SRGAP1: variants seen among roughly 807,000 people sequenced by gnomAD.
SRGAP1 encodes the protein SLIT-ROBO Rho GTPase-activating protein 1.
SRGAP1 carries 43 observed loss-of-function variants against 121.9 expected under a neutral mutation model. The observed-to-expected ratio is 0.35, with a 90% CI of 0.28 to 0.46. SRGAP1 has a LOEUF of 0.46. Among genes scored for constraint, SRGAP1 ranks in the 20% least tolerant of loss-of-function variants. The probability of loss-of-function intolerance (pLI) is 1.00; values close to 1 mark genes in which losing one functional copy is unlikely to be tolerated. For synonymous variants in SRGAP1, 447 were observed against 485.4 expected (o/e 0.92, Z 1.04); for missense variants, 1,102 against 1,350.9 (o/e 0.82, Z 2.89).
At chr12:63,986,593 T>C (rs1034385334) in intron 2 of SRGAP1, among the ~76,000 whole-genome samples, 30 of 152,290 alleles carry the variant, frequency 2.0e-4, no homozygotes, top group African/African-American at 7.0e-4. Flanking sequence ...TGGCTAATTT[T>C]TGTATTTTTA....
intron 1 of SRGAP1, among the ~76,000 whole-genome samples, chr12:63,969,022 C>T (rs1009827076): frequency 2.6e-5 from 4 of 152,148 alleles, no homozygotes; most frequent in Admixed American, 6.5e-5. Flanking sequence ...GGAAAAAAAT[C>T]GTACTGTGGG....
intron 1 of SRGAP1, among the ~76,000 whole-genome samples, chr12:63,917,440 A>G (rs2030836296): frequency 6.6e-6 from 1 of 152,128 alleles, no homozygotes; most frequent in Non-Finnish European, 1.5e-5. Context: ...CAGTTCACTG[A>G]AAAGTTCATT....
chr12:63,975,689 A>G lies in SRGAP1; in HGVS notation c.68-8258A>G, dbSNP rs144213013. On this transcript the variant is annotated intron_variant, in intron 1 of 21. Coordinates refer to ENST00000355086, the MANE Select transcript of SRGAP1 (RefSeq NM_020762.4). ...CTTGCAAGTACTCAGTGACACTTGC[A>G]GCTACATACTGGGCAGCACAGTGCT... Among the ~76,000 whole-genome samples the G allele has an allele frequency of 5.2e-3, 799 of 152,280 alleles. 5 individuals are homozygous for G. The highest frequency in any genetic ancestry group is 0.018 in the African/African-American group (732 of 41,552).
rs537093796 is a variant in SRGAP1, at chr12:64,142,797, A to G, written c.*125A>G. ...TAACTGGAGATCTTTTGGCTTTTCT[A>G]TGTTGTCGAATGTAATGTCTGAGAC... On this transcript the variant is annotated 3_prime_UTR_variant, in exon 22 of 22. Coordinates refer to ENST00000355086, the MANE Select transcript of SRGAP1 (RefSeq NM_020762.4). 111 of 1,290,466 alleles carry G rather than the reference A, an allele frequency of 8.6e-5. No individual in the cohort carries two copies. In the Admixed American group the frequency reaches 1.5e-3, roughly 18 times the overall value. 79.9% of individuals were successfully genotyped at this position (1,290,466 alleles called of 1,614,324 possible).
At chr12:63,920,209 A>G (rs1174317956) in intron 1 of SRGAP1, among the ~76,000 whole-genome samples, 1 of 152,214 alleles carries the variant, frequency 6.6e-6, no homozygotes, top group African/African-American at 2.4e-5. Context: ...TGGGTATAAC[A>G]TTGCATTGTG....
intron 1 of SRGAP1, among the ~76,000 whole-genome samples, chr12:63,950,762 A>G (rs1264322912): frequency 1.3e-5 from 2 of 152,136 alleles, no homozygotes; most frequent in African/African-American, 2.4e-5. Context: ...ATGGAGCAGA[A>G]ACATTTGAGA....
Position 63,844,954 on chromosome 12 carries a change from C to A in SRGAP1, c.67+71C>A. The A allele has an allele frequency of 6.8e-7, 1 of 1,465,360 alleles. No individual in the cohort carries two copies. The highest frequency in any genetic ancestry group is 9.6e-7 in the Non-Finnish European group (1 of 1,044,808). 90.8% of individuals were successfully genotyped at this position (1,465,360 alleles called of 1,614,324 possible). On this transcript the variant is annotated intron_variant, in intron 1 of 21. Transcript: ENST00000355086. The surrounding 1 kb of genome is among the most constrained non-coding windows in gnomAD (Gnocchi z 4.3). ...TCATTGTGCTCGTGGAGTTGCGTAT[C>A]TAACTTGGTGTCTGCGTGGGAGGAA...
chr12:63,955,798 G>A (rs1184117568), intron 1 of SRGAP1, among the ~76,000 whole-genome samples: 1 of 151,670 alleles, frequency 6.6e-6, no homozygotes, highest in Non-Finnish European at 1.5e-5. Context: ...TTTGAGTTTG[G>A]GATAGGAAAA....
chr12:63,885,648 A>G (rs372872772), intron 1 of SRGAP1, among the ~76,000 whole-genome samples: 27 of 152,346 alleles, frequency 1.8e-4, no homozygotes, highest in African/African-American at 6.5e-4. Context: ...AGACCCTCTC[A>G]GGAATGAGAG....
rs1352298210 is a variant in SRGAP1, at chr12:64,117,818, C to A, written c.2224+1925C>A. 2.0e-5 allele frequency among the ~76,000 whole-genome samples: 3 copies of A among 152,172 alleles called. No individual in the cohort carries two copies. The East Asian group carries it at 5.8e-4, about 29-fold the overall frequency. Reference sequence around the variant, plus strand: ...ACCCTTTGATTCTATGAATTGGATTCTTTTAGATACCTCATATAAGTGAAC... The same window carrying A: ...ACCCTTTGATTCTATGAATTGGATTATTTTAGATACCTCATATAAGTGAAC... On this transcript the variant is annotated intron_variant, in intron 18 of 21. Coordinates refer to ENST00000355086, the MANE Select transcript of SRGAP1 (RefSeq NM_020762.4).
At chr12:64,043,774 T>TA (rs1438036274) in intron 6 of SRGAP1, 199 bp downstream of exon 6, 1 of 430,504 alleles carries the variant, frequency 2.3e-6, no homozygotes, top group African/African-American at 2.1e-5. Flanking sequence ...GCGTGTATCC[T>TA]AAAACCAATG....
In SRGAP1 at chr12:64,017,014, TA is replaced by T; in HGVS notation, c.489+4del. 6.7e-7 allele frequency: 1 copy of T among 1,503,098 alleles called. No individual in the cohort carries two copies. The highest frequency in any genetic ancestry group is 9.2e-7 in the Non-Finnish European group (1 of 1,089,978). 93.1% of individuals were successfully genotyped at this position (1,503,098 alleles called of 1,614,324 possible). ...AAGGTTCTTAATGAGCTTTATACGG[TA>T]AGGACATAATCTTTCTTCTTTTCTA... On this transcript the variant is annotated splice_donor_region_variant and intron_variant, in intron 4 of 21. Coordinates refer to ENST00000355086, the MANE Select transcript of SRGAP1 (RefSeq NM_020762.4).
intron 1 of SRGAP1, among the ~76,000 whole-genome samples, chr12:63,962,832 T>C (rs1181759042): frequency 5.9e-5 from 9 of 152,212 alleles, no homozygotes; most frequent in Non-Finnish European, 1.3e-4. Context: ...TAATCCAAGT[T>C]GAATGTGCTG....
intron 6 of SRGAP1, among the ~76,000 whole-genome samples, chr12:64,050,813 C>A (rs1223976562): frequency 6.6e-6 from 1 of 152,192 alleles, no homozygotes; most frequent in South Asian, 2.1e-4. Context: ...CAACCTCCAC[C>A]TCCCAGGTTC....
At chr12:63,919,527 T>TATATATATATATAC (rs1238483459) in intron 1 of SRGAP1, among the ~76,000 whole-genome samples, 4 of 146,376 alleles carry the variant, frequency 2.7e-5, no homozygotes, top group Non-Finnish European at 3.0e-5. Context: ...TATATACACA[T>TATATATATATATAC]ACACACACAC....
intron 6 of SRGAP1, among the ~76,000 whole-genome samples, chr12:64,050,095 A>T (rs2035210966): frequency 6.6e-6 from 1 of 151,982 alleles, no homozygotes. Context: ...TATTGTAGAG[A>T]TCTTTCACTT....
At chr12:63,931,478 C>G (rs2031473333) in intron 1 of SRGAP1, among the ~76,000 whole-genome samples, 1 of 152,054 alleles carries the variant, frequency 6.6e-6, no homozygotes, top group African/African-American at 2.4e-5. Context: ...TTTCTCTTTC[C>G]TTTCTCTAAC....
chr12:63,944,515 A>G (rs1340596857), intron 1 of SRGAP1, among the ~76,000 whole-genome samples: 1 of 152,220 alleles, frequency 6.6e-6, no homozygotes, highest in Non-Finnish European at 1.5e-5. Flanking sequence ...ATTAAGATTT[A>G]ACCTGTAGAT....
At position 64,097,302 on chromosome 12, in the gene SRGAP1, G is replaced by A. The variant is rs1178913421; in HGVS notation, c.1740G>A (p.Leu580=). The change falls in exon 15 of 22, where the codon CTG becomes CTA. Residue 580 remains leucine (L), a synonymous_variant. Transcript: ENST00000355086. ...NHDINSVAGV[L]KLYFRGLENP... ...ATATTAACTCAGTTGCTGGCGTTCTGAAGCTCTATTTCCGTGGGCTGGAAA... is the reference window on the plus strand; with the variant it reads ...ATATTAACTCAGTTGCTGGCGTTCTAAAGCTCTATTTCCGTGGGCTGGAAA... 1 of 1,612,258 alleles carries A rather than the reference G, an allele frequency of 6.2e-7. No homozygotes were observed. Among genetic ancestry groups the A allele is most frequent in the East Asian group, 2.2e-5 (1 of 44,744 alleles).
Sources: allele counts gnomAD v4.1 joint callset (sites outside exome capture counted in the v4.1 genomes callset), GRCh38; gene constraint gnomAD v4.1.1; non-coding constraint Gnocchi (gnomAD v3.1); transcripts MANE v1.5; gene names NCBI Gene and HGNC (gene_info 2026-07-23, HGNC 2026-07-21).